Variants in ST3GAL5 observed in about 807,000 individuals in gnomAD.
ST3GAL5 encodes the protein ST3 beta-galactoside alpha-2,3-sialyltransferase 5, also known as lactosylceramide alpha-2,3-sialyltransferase.
In ST3GAL5, 25 loss-of-function variants were observed where a neutral mutation model predicts 46.1. The observed-to-expected ratio is 0.54, with a 90% CI of 0.40 to 0.76. ST3GAL5 has a LOEUF of 0.76. Among genes scored for constraint, ST3GAL5 ranks in the 30% least tolerant of loss-of-function variants. The pLI, the probability that ST3GAL5 is intolerant of heterozygous loss-of-function variation, is 0.00. For missense variants in ST3GAL5, 431 were observed against 521.2 expected, an observed-to-expected ratio of 0.83 and a Z score of 1.69; for synonymous variants, 182 against 192.7, an observed-to-expected ratio of 0.94 and a Z score of 0.46.
chr2:85,847,830 G>A (rs1682992054), intron 4 of ST3GAL5, 31 bp downstream of exon 4: 1 of 1,610,872 alleles, frequency 6.2e-7, no homozygotes, highest in Non-Finnish European at 8.5e-7. Context: ...ATAAAAATAA[G>A]TAAACAAACA....
chr2:85,839,165 ATTCTTT>A lies in ST3GAL5; in HGVS notation c.*973_*978del, dbSNP rs1322317054. ...CTACGAGAGTTCCTCAAAAGTTTTT[ATTCTTT>A]TTCATCTTTTTAAACTGGCACACTG... On this transcript the variant is annotated 3_prime_UTR_variant, in exon 7 of 7. Transcript: ENST00000638572. 2 of 152,346 alleles carry A rather than the reference ATTCTTT, an allele frequency of 1.3e-5. No homozygotes were observed. Among genetic ancestry groups the A allele is most frequent in the East Asian group, 1.9e-4 (1 of 5,194 alleles). The allele number at this position is 152,346 out of a possible 1,614,324, so 9.4% of individuals were successfully genotyped here.
At chr2:85,871,180 G>T (rs937694457) in intron 1 of ST3GAL5, among the ~76,000 whole-genome samples, 1 of 152,010 alleles carries the variant, frequency 6.6e-6, no homozygotes, top group African/African-American at 2.4e-5. Flanking sequence ...GGAACTATAG[G>T]TGTGCACCAC....
chr2:85,842,891 G>C (rs925518406), intron 6 of ST3GAL5, among the ~76,000 whole-genome samples: 1 of 151,834 alleles, frequency 6.6e-6, no homozygotes, highest in Non-Finnish European at 1.5e-5. Context: ...CTCCCAAGTA[G>C]CTGAAATTAC....
intron 2 of ST3GAL5, among the ~76,000 whole-genome samples, chr2:85,861,868 G>A (rs1346682001): frequency 6.6e-6 from 1 of 151,548 alleles, no homozygotes; most frequent in East Asian, 1.9e-4. Flanking sequence ...GCTGAGTCTA[G>A]TCTTAGTTTT....
At chr2:85,869,297 C>T (rs1289410776) in intron 1 of ST3GAL5, among the ~76,000 whole-genome samples, 2 of 152,092 alleles carry the variant, frequency 1.3e-5, no homozygotes, top group African/African-American at 4.8e-5. Context: ...CCTCCCGCCT[C>T]ACCTCCCAAA....
chr2:85,851,628 C>G (rs1683516077), intron 3 of ST3GAL5: 18 of 1,289,474 alleles, frequency 1.4e-5, no homozygotes, highest in Non-Finnish European at 1.7e-5. Flanking sequence ...CAGCTGCTCT[C>G]TTCCCCCTCC....
intron 1 of ST3GAL5, among the ~76,000 whole-genome samples, chr2:85,875,730 A>G (rs1188429018): frequency 1.3e-5 from 2 of 152,186 alleles, no homozygotes; most frequent in Non-Finnish European, 2.9e-5. Flanking sequence ...AGGTTGAGAG[A>G]CAGGAAATTC....
At chr2:85,869,075 G>C (rs1685616569) in intron 1 of ST3GAL5, among the ~76,000 whole-genome samples, 1 of 152,096 alleles carries the variant, frequency 6.6e-6, no homozygotes, top group South Asian at 2.1e-4. Flanking sequence ...TTAGAGATAG[G>C]GTCTTGCTCT....
intron 6 of ST3GAL5, among the ~76,000 whole-genome samples, chr2:85,842,527 C>T (rs995349050): frequency 3.3e-5 from 5 of 152,174 alleles, no homozygotes; most frequent in Non-Finnish European, 7.3e-5. Context: ...TCTGATACTG[C>T]AACTTTAGAT....
intron 2 of ST3GAL5, 136 bp from the exon 3 acceptor site, chr2:85,861,428 G>T: frequency 1.5e-6 from 1 of 685,010 alleles, no homozygotes; most frequent in South Asian, 1.6e-5. Context: ...TGACATTGGG[G>T]TGAAAGGAAG....
In ST3GAL5 at chr2:85,874,848, G is replaced by A. The variant is rs539802198; in HGVS notation, c.83-11363C>T. 2.0e-5 allele frequency among the ~76,000 whole-genome samples: 3 copies of A among 151,502 alleles called. No homozygotes were observed. In the South Asian group the frequency reaches 6.3e-4, roughly 32 times the overall value. On this transcript the variant is annotated intron_variant, in intron 1 of 6. Transcript: ENST00000638572. ...CCCAAATTCACCACGGTCCTAACAA[G>A]AGACCACTGTGAAGACCAGACCTTC...
At chr2:85,886,597 C>T (rs1687791666) in intron 1 of ST3GAL5, among the ~76,000 whole-genome samples, 2 of 152,168 alleles carry the variant, frequency 1.3e-5, no homozygotes, top group Admixed American at 6.5e-5. Context: ...GTAAGACAAG[C>T]CTGGTAGTGT....
chr2:85,878,539 T>G (rs1171939545), intron 1 of ST3GAL5, among the ~76,000 whole-genome samples: 1 of 131,018 alleles, frequency 7.6e-6, no homozygotes, highest in Non-Finnish European at 1.6e-5. Context: ...CATACAATGG[T>G]CGCCTGACAG....
intron 3 of ST3GAL5, chr2:85,851,524 C>T: frequency 7.8e-7 from 1 of 1,289,058 alleles, no homozygotes; most frequent in South Asian, 1.2e-5. Context: ...GGTTTCTGTT[C>T]TTGCTTCAAT....
At chr2:85,866,908 A>G (rs1452387079) in intron 1 of ST3GAL5, among the ~76,000 whole-genome samples, 3 of 152,254 alleles carry the variant, frequency 2.0e-5, no homozygotes, top group African/African-American at 7.2e-5. Context: ...CAAACAAGAT[A>G]AACTTCCAAG....
At chr2:85,862,204 G>C (rs1307283773) in intron 2 of ST3GAL5, among the ~76,000 whole-genome samples, 1 of 152,030 alleles carries the variant, frequency 6.6e-6, no homozygotes, top group Non-Finnish European at 1.5e-5. Flanking sequence ...GACAAGTTGG[G>C]ATTATGTATA....
At chr2:85,870,106 CTTTCTTT>C in intron 1 of ST3GAL5, 1 of 437,196 alleles carries the variant, frequency 2.3e-6, no homozygotes, top group Non-Finnish European at 4.9e-6. Flanking sequence ...TGTATGCATG[CTTTCTTT>C]TTTCTTTATA....
intron 3 of ST3GAL5, chr2:85,858,062 G>A (rs1280861336): frequency 3.9e-5 from 6 of 152,250 alleles, no homozygotes; most frequent in Non-Finnish European, 7.3e-5. Flanking sequence ...GGAAGTAGCA[G>A]TGAGGTTCAG....
At chr2:85,878,718 T>C (rs1198015127) in intron 1 of ST3GAL5, among the ~76,000 whole-genome samples, 1 of 152,224 alleles carries the variant, frequency 6.6e-6, no homozygotes, top group Non-Finnish European at 1.5e-5. Flanking sequence ...CGCTTTCCTC[T>C]TTAAATGAAT....
Sources: gnomAD v4.1 joint callset for allele counts (sites outside exome capture counted in the v4.1 genomes callset) on GRCh38, gnomAD v4.1.1 for gene constraint, MANE v1.5 for transcripts, NCBI Gene and HGNC (gene_info 2026-07-23, HGNC 2026-07-21) for gene names.